MYO16: variants seen among roughly 807,000 people sequenced by gnomAD.
MYO16 encodes myosin XVI.
Under a neutral mutation model 205.3 loss-of-function variants are expected in MYO16, and 94 were observed. That is an observed-to-expected ratio of 0.46 (90% CI 0.39 to 0.54). The LOEUF is 0.54. Ranked by LOEUF, MYO16 falls within the 20% of genes least tolerant of loss-of-function variation. MYO16 has a pLI of 0.00. For missense variants in MYO16, 2,315 were observed against 2,387.5 expected (o/e 0.97, Z 0.63); for synonymous variants, 988 against 954.0 (o/e 1.04, Z -0.66).
chr13:108,856,066 C>T (rs1019052265), intron 11 of MYO16, among the ~76,000 whole-genome samples: 7 of 152,080 alleles, frequency 4.6e-5, no homozygotes, highest in Non-Finnish European at 8.8e-5. Context: ...TAGTAGAATC[C>T]GAAAATATTA....
At chr13:108,683,360 A>G (rs1181766449) in intron 2 of MYO16, among the ~76,000 whole-genome samples, 5 of 152,106 alleles carry the variant, frequency 3.3e-5, no homozygotes, top group Non-Finnish European at 7.3e-5. Flanking sequence ...CTCCTGTTCT[A>G]TAGTAGCCTT....
At chr13:108,520,655 G>A in the MYO16 span, among the ~76,000 whole-genome samples, 1 of 152,152 alleles carries the variant, frequency 6.6e-6, no homozygotes. Context: ...ACATTGAAAT[G>A]TTCATCAGTC....
intron 27 of MYO16, among the ~76,000 whole-genome samples, chr13:109,074,973 G>GT (rs1888045067): frequency 6.6e-6 from 1 of 152,098 alleles, no homozygotes; most frequent in African/African-American, 2.4e-5. Flanking sequence ...ACCATAAATT[G>GT]TTTACTCTTG....
At chr13:108,596,448 C>T (rs9587625) in intron 1 of MYO16, among the ~76,000 whole-genome samples, 81 of 152,030 alleles carry the variant, frequency 5.3e-4, no homozygotes, top group African/African-American at 1.9e-3. Flanking sequence ...TTCAATCATT[C>T]TCTTTAAAAT....
intron 34 of MYO16, among the ~76,000 whole-genome samples, chr13:109,194,871 T>G (rs1302538519): frequency 6.6e-6 from 1 of 152,090 alleles, no homozygotes. Context: ...TCATACAAGA[T>G]CCTTATCCTA....
intron 14 of MYO16, among the ~76,000 whole-genome samples, chr13:108,888,745 T>C (rs921222856): frequency 2.0e-5 from 3 of 152,192 alleles, no homozygotes; most frequent in African/African-American, 7.2e-5. Context: ...AGGTAGATGT[T>C]GTTGTTCACA....
At chr13:109,041,090 C>A (rs1447790239) in intron 23 of MYO16, among the ~76,000 whole-genome samples, 2 of 152,052 alleles carry the variant, frequency 1.3e-5, no homozygotes, top group Non-Finnish European at 2.9e-5. Context: ...TGAAGTGAAC[C>A]ATACAATTAC....
the MYO16 span, among the ~76,000 whole-genome samples, chr13:108,528,212 G>T: frequency 2.0e-5 from 3 of 152,164 alleles, no homozygotes; most frequent in Admixed American, 1.3e-4. Flanking sequence ...TACCATATCC[G>T]ACAGCCTTTT....
intron 1 of MYO16, among the ~76,000 whole-genome samples, chr13:108,606,621 C>A (rs983043472): frequency 1.9e-4 from 29 of 152,214 alleles, no homozygotes; most frequent in African/African-American, 5.8e-4. Context: ...TAGAAGTCTG[C>A]TGCAGGGGTG....
chr13:108,869,731 T>TAAAAAAAAAA (rs68025820), intron 12 of MYO16, among the ~76,000 whole-genome samples: 13 of 67,028 alleles, frequency 1.9e-4, no homozygotes, highest in African/African-American at 6.3e-4. Context: ...ACTCCGTTTC[T>TAAAAAAAAAA]AAAAAAAAAA....
the MYO16 span, among the ~76,000 whole-genome samples, chr13:108,572,940 A>G: frequency 6.6e-6 from 1 of 152,206 alleles, no homozygotes; most frequent in African/African-American, 2.4e-5. Flanking sequence ...TCCGCTGCAG[A>G]TAAACTGGTT....
At chr13:108,855,070 T>C (rs1278441702) in intron 10 of MYO16, among the ~76,000 whole-genome samples, 1 of 152,156 alleles carries the variant, frequency 6.6e-6, no homozygotes, top group Non-Finnish European at 1.5e-5. Flanking sequence ...ACTACGGATA[T>C]ATGAGGTGTT....
At chr13:108,785,553 C>T in intron 4 of MYO16, 82 bp from the exon 5 acceptor site, 1 of 738,266 alleles carries the variant, frequency 1.4e-6, no homozygotes, top group Non-Finnish European at 2.1e-6. Flanking sequence ...ATCTGTTTCC[C>T]AACTAAGATT....
chr13:109,029,290 A>G (rs919880684), intron 23 of MYO16, among the ~76,000 whole-genome samples: 1 of 151,344 alleles, frequency 6.6e-6, no homozygotes, highest in South Asian at 2.1e-4. Flanking sequence ...AATTTTTTGT[A>G]TTTTTAGTAG....
chr13:108,844,614 A>G (rs1877423006), intron 10 of MYO16, 121 bp downstream of exon 10: 3 of 991,938 alleles, frequency 3.0e-6, no homozygotes, highest in Non-Finnish European at 4.2e-6. Context: ...ATTAATGCAT[A>G]GATTAATATT....
the MYO16 span, among the ~76,000 whole-genome samples, chr13:108,562,863 A>G: frequency 3.9e-5 from 6 of 152,282 alleles, no homozygotes; most frequent in Middle Eastern, 3.4e-3. Context: ...GTAAGTGTTT[A>G]ATGACACGTT....
chr13:108,716,248 T>G (rs1883940930), intron 3 of MYO16, among the ~76,000 whole-genome samples: 1 of 152,238 alleles, frequency 6.6e-6, no homozygotes, highest in South Asian at 2.1e-4. Flanking sequence ...GTATACAGAG[T>G]ATAATCTAAG....
chr13:109,062,105 A>G (rs1336925897), intron 27 of MYO16, among the ~76,000 whole-genome samples: 1 of 152,174 alleles, frequency 6.6e-6, no homozygotes, highest in Admixed American at 6.5e-5. Context: ...AGATATCATA[A>G]AATTAGAAAA....
At chr13:108,640,992 A>G (rs1273668346) in intron 1 of MYO16, among the ~76,000 whole-genome samples, 19 of 152,188 alleles carry the variant, frequency 1.2e-4, no homozygotes, top group Admixed American at 1.2e-3. Context: ...CTTTCTAAGG[A>G]GAAAGCTTCA....
Sources: gnomAD v4.1 joint callset for allele counts (sites outside exome capture counted in the v4.1 genomes callset) on GRCh38, gnomAD v4.1.1 for gene constraint, MANE v1.5 for transcripts, NCBI Gene and HGNC (gene_info 2026-07-23, HGNC 2026-07-21) for gene names.